The following KIF16B variants were observed in gnomAD, a reference collection of about 807,000 sequenced individuals.
The protein encoded by KIF16B is kinesin-like protein KIF16B.
Under a neutral mutation model 156.3 loss-of-function variants are expected in KIF16B, and 98 were observed. That is an observed-to-expected ratio of 0.63 (90% CI 0.53 to 0.74). The LOEUF (loss-of-function observed/expected upper bound fraction) is 0.74, where lower values mean the gene tolerates loss of function less well. Ranked by LOEUF, KIF16B falls within the 30% of genes least tolerant of loss-of-function variation. The pLI is 0.00. For missense variants in KIF16B, 1,421 were observed against 1,606.5 expected (o/e 0.88, Z 1.97); for synonymous variants, 564 against 583.7 (o/e 0.97, Z 0.49).
At chr20:16,417,957 CG>C (rs1048438592) in intron 15 of KIF16B, among the ~76,000 whole-genome samples, 1 of 150,912 alleles carries the variant, frequency 6.6e-6, no homozygotes, top group African/African-American at 2.4e-5. Flanking sequence ...GAGTATAGTG[CG>C]GGGGAAAAAA....
At chr20:16,401,648 C>A (rs2065659147) in intron 17 of KIF16B, among the ~76,000 whole-genome samples, 1 of 152,314 alleles carries the variant, frequency 6.6e-6, no homozygotes, top group South Asian at 2.1e-4. Context: ...AGGAAGTATA[C>A]ATAAGCAGAG....
Position 16,272,270 on chromosome 20 carries a change from T to A in KIF16B, c.*983A>T, listed in dbSNP as rs150529148. On this transcript the variant is annotated 3_prime_UTR_variant, in exon 26 of 26. Transcript: ENST00000354981. ...ATAGAATTATATACATTTGAGTATA[T>A]ACCACATACATATTTTTTCCACTCA... 3 of 152,640 alleles carry A rather than the reference T, an allele frequency of 2.0e-5. No homozygotes were observed. Among genetic ancestry groups the A allele is most frequent in the Admixed American group, 6.5e-5 (1 of 15,284 alleles). The allele number at this position is 152,640 out of a possible 1,614,324, so 9.5% of individuals were successfully genotyped here.
intron 12 of KIF16B, among the ~76,000 whole-genome samples, chr20:16,476,133 G>A (rs1169500874): frequency 6.6e-6 from 1 of 152,180 alleles, no homozygotes; most frequent in South Asian, 2.1e-4. Context: ...CAGGCAGAGC[G>A]TGTTTTCCTA....
intron 17 of KIF16B, among the ~76,000 whole-genome samples, chr20:16,398,772 G>GGGA (rs2065577226): frequency 6.6e-6 from 1 of 152,152 alleles, no homozygotes; most frequent in Non-Finnish European, 1.5e-5. Flanking sequence ...ATTCCCAAGG[G>GGGA]ATAGAGTGGG....
intron 1 of KIF16B, among the ~76,000 whole-genome samples, chr20:16,552,952 G>A (rs1401467754): frequency 2.0e-5 from 3 of 152,042 alleles, no homozygotes; most frequent in African/African-American, 4.8e-5. Context: ...TTTCAGTAGA[G>A]ACAGGGTTTC....
chr20:16,280,421 G>A (rs2063127120), intron 25 of KIF16B, among the ~76,000 whole-genome samples: 1 of 152,238 alleles, frequency 6.6e-6, no homozygotes, highest in Non-Finnish European at 1.5e-5. Context: ...AAGAGAGCAA[G>A]GCCAAGGCCA....
chr20:16,343,974 T>C (rs2064185724), intron 23 of KIF16B, among the ~76,000 whole-genome samples: 1 of 152,206 alleles, frequency 6.6e-6, no homozygotes, highest in Non-Finnish European at 1.5e-5. Context: ...GCCTGCTCAA[T>C]AACTTTTCCA....
chr20:16,544,040 C>G (rs1411102852), intron 1 of KIF16B, among the ~76,000 whole-genome samples: 1 of 152,140 alleles, frequency 6.6e-6, no homozygotes, highest in Non-Finnish European at 1.5e-5. Flanking sequence ...AATGAGCCAG[C>G]CAGTATATTT....
At chr20:16,407,318 T>C (rs769408776) in intron 15 of KIF16B, among the ~76,000 whole-genome samples, 26 of 152,120 alleles carry the variant, frequency 1.7e-4, no homozygotes, top group Admixed American at 6.6e-4. Flanking sequence ...GTCCCATCCA[T>C]GTATGAGAGG....
At chr20:16,555,198 A>G (rs1452710392) in intron 1 of KIF16B, among the ~76,000 whole-genome samples, 1 of 151,402 alleles carries the variant, frequency 6.6e-6, no homozygotes, top group Non-Finnish European at 1.5e-5. Context: ...GTAATGTTGC[A>G]TTCATTGTGC....
rs565631879 is a variant in KIF16B at position 16,526,169 on chromosome 20, G to A, written c.154C>T (p.Arg52Trp). 9.2e-5 allele frequency: 147 copies of A among 1,605,064 alleles called. No individual in the cohort carries two copies. The highest frequency in any genetic ancestry group is 1.7e-4 in the Middle Eastern group (1 of 6,024). Reference sequence around the variant, plus strand: ...AAGTCATAGGTGAAGGTCTTGGTCCGTTCTCTTCCTGAGTCCCCAGTGCCT... The same window carrying A: ...AAGTCATAGGTGAAGGTCTTGGTCCATTCTCTTCCTGAGTCCCCAGTGCCT... ...EGGTGDSGRE[R>W]TKTFTYDFSF... The change falls in exon 3 of 26, where the codon CGG becomes TGG. Residue 52 changes from arginine (R) to tryptophan (W), a missense_variant. By Grantham distance (101) the Arg-to-Trp change is moderately radical. Transcript: ENST00000354981.
chr20:16,461,318 A>C (rs2067340003), intron 12 of KIF16B, among the ~76,000 whole-genome samples: 1 of 152,096 alleles, frequency 6.6e-6, no homozygotes, highest in Admixed American at 6.5e-5. Flanking sequence ...TTCTTCTTTA[A>C]CCCAGTTAGA....
intron 7 of KIF16B, 43 bp downstream of exon 7, chr20:16,507,915 A>G (rs746506233): frequency 1.9e-6 from 3 of 1,610,164 alleles, no homozygotes; most frequent in Middle Eastern, 1.7e-4. Context: ...CAGCAAGTAA[A>G]GACCTCAGGG....
chr20:16,406,465 A>G lies in KIF16B; in HGVS notation c.1613-9T>C. ...CAAGAGAATCACAGCACCTGAAAAC[A>G]CACAAAAACAGTAATGAATTTACAG... On this transcript the variant is annotated splice_polypyrimidine_tract_variant and intron_variant, in intron 15 of 25. Transcript: ENST00000354981. 6.2e-7 allele frequency: 1 copy of G among 1,612,720 alleles called. No individual in the cohort carries two copies. The highest frequency in any genetic ancestry group is 8.5e-7 in the Non-Finnish European group (1 of 1,178,906).
chr20:16,414,875 T>C (rs1231181808), intron 15 of KIF16B, among the ~76,000 whole-genome samples: 2 of 152,164 alleles, frequency 1.3e-5, no homozygotes, highest in Admixed American at 6.6e-5. Flanking sequence ...GTGATACACA[T>C]TCAGTACAGT....
At chr20:16,345,513 A>G (rs2064216357) in intron 23 of KIF16B, among the ~76,000 whole-genome samples, 2 of 152,370 alleles carry the variant, frequency 1.3e-5, no homozygotes, top group African/African-American at 4.8e-5. Flanking sequence ...GAAAGTAGGC[A>G]TTACGGGACG....
At chr20:16,480,040 T>C (rs1249378288) in intron 12 of KIF16B, among the ~76,000 whole-genome samples, 1 of 152,180 alleles carries the variant, frequency 6.6e-6, no homozygotes, top group Non-Finnish European at 1.5e-5. Context: ...TCGGGGCTAA[T>C]AATGTGTTTT....
At position 16,390,172 on chromosome 20, in the gene KIF16B, C is replaced by A. The variant is rs371899890; in HGVS notation, c.1785-8425G>T. On this transcript the variant is annotated intron_variant, in intron 17 of 25. Transcript: ENST00000354981. ...CTGGGAATGGTTTTCTAATAAATTT[C>A]CAAATTGCTGGTCTAGAAGGTACTC... Among the ~76,000 whole-genome samples the A allele has an allele frequency of 1.3e-4, 20 of 152,110 alleles. No individual in the cohort carries two copies. In the East Asian group the frequency reaches 1.3e-3, roughly 10 times the overall value.
Position 16,504,489 on chromosome 20 carries a change from A to G in KIF16B, c.1059T>C (p.Asn353=), listed in dbSNP as rs940157512. 1.9e-5 allele frequency: 30 copies of G among 1,614,078 alleles called. No individual in the cohort carries two copies. Among genetic ancestry groups the G allele is most frequent in the Non-Finnish European group, 2.5e-5 (29 of 1,179,988 alleles). The change falls in exon 10 of 26, where the codon AAT becomes AAC. Residue 353 remains asparagine (N), a synonymous_variant. Transcript: ENST00000354981. The part of the protein sequence containing the change: ...GETLSTLRYA[N]RAKNIINKPT... ...GCTTGTTGATGATGTTTTTGGCTCTATTTGCATAGCGAAGAGTACTTAGGG... is the reference window on the plus strand; with the variant it reads ...GCTTGTTGATGATGTTTTTGGCTCTGTTTGCATAGCGAAGAGTACTTAGGG...
Sources: allele counts gnomAD v4.1 joint callset (sites outside exome capture counted in the v4.1 genomes callset), GRCh38; gene constraint gnomAD v4.1.1; transcripts MANE v1.5; gene names NCBI Gene and HGNC (gene_info 2026-07-23, HGNC 2026-07-21).